FAM168A: variants seen among roughly 807,000 people sequenced by gnomAD.
FAM168A encodes the protein family with sequence similarity 168 member A, also known as protein FAM168A.
In FAM168A, 3 loss-of-function variants were observed where a neutral mutation model predicts 28.5. The ratio of observed to expected loss-of-function variants is 0.11; its 90% CI spans 0.05 to 0.27. The LOEUF (loss-of-function observed/expected upper bound fraction) is 0.27, where lower values mean the gene tolerates loss of function less well. FAM168A is among the 10% of genes least tolerant of loss of function. FAM168A has a pLI of 1.00. For synonymous variants in FAM168A, 122 were observed against 124.2 expected, an observed-to-expected ratio of 0.98 and a Z score of 0.12; for missense variants, 222 against 311.5, an observed-to-expected ratio of 0.71 and a Z score of 2.16.
At chr11:73,426,198 C>G (rs1866881501) in intron 3 of FAM168A, among the ~76,000 whole-genome samples, 1 of 152,174 alleles carries the variant, frequency 6.6e-6, no homozygotes, top group Non-Finnish European at 1.5e-5. Context: ...CATTTATTTT[C>G]AAGCCAGATT....
chr11:73,424,919 C>T, intron 3 of FAM168A: 1 of 991,024 alleles, frequency 1.0e-6, no homozygotes, highest in Non-Finnish European at 1.4e-6. Flanking sequence ...GAGCCCAAGC[C>T]TAGGGGATGG....
intron 4 of FAM168A, among the ~76,000 whole-genome samples, chr11:73,416,391 C>A (rs566882491): frequency 6.6e-6 from 1 of 152,162 alleles, no homozygotes. Flanking sequence ...GTTTATTGAT[C>A]ATCAGATTTA....
At chr11:73,525,265 C>T (rs1394339900) in intron 1 of FAM168A, among the ~76,000 whole-genome samples, 1 of 152,130 alleles carries the variant, frequency 6.6e-6, no homozygotes. Context: ...ATTTTAATTG[C>T]TAAGTTTCAC....
At chr11:73,417,518 G>GTAGAAT (rs1866714667) in intron 4 of FAM168A, among the ~76,000 whole-genome samples, 1 of 151,210 alleles carries the variant, frequency 6.6e-6, no homozygotes, top group African/African-American at 2.4e-5. Flanking sequence ...TTCTACCTGA[G>GTAGAAT]GTATCTGGAG....
chr11:73,458,235 A>C (rs1220954393), intron 2 of FAM168A, among the ~76,000 whole-genome samples: 1 of 152,222 alleles, frequency 6.6e-6, no homozygotes, highest in African/African-American at 2.4e-5. Context: ...CAGAAAAATA[A>C]TAACCCAACA....
At position 73,463,071 on chromosome 11, in the gene FAM168A, C is replaced by T. The variant is rs190378195; in HGVS notation, c.70+5334G>A. Among the ~76,000 whole-genome samples the T allele has an allele frequency of 4.8e-3, 725 of 152,112 alleles. 7 individuals carry two copies. Among genetic ancestry groups the T allele is most frequent in the African/African-American group, 0.017 (697 of 41,466 alleles). On this transcript the variant is annotated intron_variant, in intron 2 of 7. Transcript: ENST00000356467. The stretch of plus-strand genomic sequence containing the variant: ...GCAACCTCCACCTCCCAGGTTCCAG[C>T]GATTCTCATGCCTCAGCCTCCAAAG...
chr11:73,416,116 G>GA (rs1322887528), intron 4 of FAM168A, among the ~76,000 whole-genome samples: 1 of 152,126 alleles, frequency 6.6e-6, no homozygotes, highest in East Asian at 1.9e-4. Context: ...TATCATGAAA[G>GA]AAAAAATGAA....
rs549333631 is a variant in FAM168A, at chr11:73,537,340, C to T, written c.-19+60583G>A. Reference sequence around the variant, plus strand: ...ATTTGGGAGGCCGAGGCTGGCAGTTCGCTTGAGCTCAGGAGTTCAAGACCA... The same window carrying T: ...ATTTGGGAGGCCGAGGCTGGCAGTTTGCTTGAGCTCAGGAGTTCAAGACCA... On this transcript the variant is annotated intron_variant, in intron 1 of 7. Coordinates refer to ENST00000356467, the MANE Select transcript of FAM168A (RefSeq NM_015159.3). 2.6e-5 allele frequency among the ~76,000 whole-genome samples: 4 copies of T among 152,228 alleles called. No individual in the cohort carries two copies. The East Asian group carries it at 5.8e-4, about 22-fold the overall frequency.
At chr11:73,488,826 TA>T (rs1868089766) in intron 1 of FAM168A, among the ~76,000 whole-genome samples, 1 of 152,156 alleles carries the variant, frequency 6.6e-6, no homozygotes, top group African/African-American at 2.4e-5. Flanking sequence ...TCACATAAAA[TA>T]AATACATAAA....
intron 1 of FAM168A, among the ~76,000 whole-genome samples, chr11:73,494,459 G>A (rs1215758558): frequency 6.6e-6 from 1 of 152,150 alleles, no homozygotes; most frequent in African/African-American, 2.4e-5. Flanking sequence ...CATTCCAAGC[G>A]GTTGACACTC....
chr11:73,411,024 G>A lies in FAM168A; in HGVS notation c.420+370C>T, dbSNP rs77681433. ...GGGGTTAGGGAGAAAAGACTAAGAC[G>A]TTGGGGTCTCACCTTGACCAACCAA... On this transcript the variant is annotated intron_variant, in intron 5 of 7. Transcript: ENST00000356467. Among the ~76,000 whole-genome samples the A allele has an allele frequency of 9.5e-3, 1,440 of 152,336 alleles. 7 individuals carry two copies. Among genetic ancestry groups the A allele is most frequent in the Non-Finnish European group, 0.015 (1,037 of 68,030 alleles).
chr11:73,484,174 A>G (rs1053931709), intron 1 of FAM168A, among the ~76,000 whole-genome samples: 1 of 152,106 alleles, frequency 6.6e-6, no homozygotes, highest in African/African-American at 2.4e-5. Context: ...TACGTTATAT[A>G]CCATAACTGT....
chr11:73,548,698 T>C (rs1346468772), intron 1 of FAM168A, among the ~76,000 whole-genome samples: 1 of 152,174 alleles, frequency 6.6e-6, no homozygotes, highest in Admixed American at 6.5e-5. Flanking sequence ...TGGAGTGTAG[T>C]GGTGCAATCA....
intron 1 of FAM168A, among the ~76,000 whole-genome samples, chr11:73,563,168 G>T (rs1381260415): frequency 6.6e-6 from 1 of 152,130 alleles, no homozygotes; most frequent in Non-Finnish European, 1.5e-5. Context: ...GTATTTACTT[G>T]ATGTTCACCT....
chr11:73,549,098 T>A (rs981877570), intron 1 of FAM168A, among the ~76,000 whole-genome samples: 3 of 152,100 alleles, frequency 2.0e-5, no homozygotes, highest in Non-Finnish European at 4.4e-5. Context: ...TGCGCCACCA[T>A]GCCCAGCTAA....
At chr11:73,408,529 C>A (rs1449345720) in intron 6 of FAM168A, among the ~76,000 whole-genome samples, 2 of 152,072 alleles carry the variant, frequency 1.3e-5, no homozygotes, top group Admixed American at 1.3e-4. Flanking sequence ...TCTGTTACCC[C>A]AGTATTTGGG....
intron 2 of FAM168A, among the ~76,000 whole-genome samples, chr11:73,448,314 G>C (rs1024835154): frequency 1.3e-5 from 2 of 152,190 alleles, no homozygotes; most frequent in Admixed American, 1.3e-4. Flanking sequence ...CCAAAGTGCT[G>C]GGATTACAGG....
intron 2 of FAM168A, among the ~76,000 whole-genome samples, chr11:73,461,141 G>T (rs1867640118): frequency 6.6e-6 from 1 of 151,866 alleles, no homozygotes; most frequent in African/African-American, 2.4e-5. Flanking sequence ...TTAAGACAAG[G>T]TCTCCACTCT....
chr11:73,477,942 T>C (rs1239405447), intron 1 of FAM168A, among the ~76,000 whole-genome samples: 2 of 150,266 alleles, frequency 1.3e-5, no homozygotes, highest in Non-Finnish European at 2.9e-5. Context: ...GATAGATAGA[T>C]AGATAGATAG....
Sources: allele counts gnomAD v4.1 joint callset (sites outside exome capture counted in the v4.1 genomes callset), GRCh38; gene constraint gnomAD v4.1.1; transcripts MANE v1.5; gene names NCBI Gene and HGNC (gene_info 2026-07-23, HGNC 2026-07-21).